Variants in FKBP5 observed in about 807,000 individuals in gnomAD.
FKBP5 encodes the protein peptidyl-prolyl cis-trans isomerase FKBP5.
Under a neutral mutation model 50.5 loss-of-function variants are expected in FKBP5, and 23 were observed. The ratio of observed to expected loss-of-function variants is 0.46; its 90% confidence interval spans 0.33 to 0.65. The LOEUF (loss-of-function observed/expected upper bound fraction) is 0.65, where lower values mean the gene tolerates loss of function less well. Among genes scored for constraint, FKBP5 ranks in the 30% least tolerant of loss-of-function variants. The pLI, the probability that FKBP5 is intolerant of heterozygous loss-of-function variation, is 0.02. For synonymous variants in FKBP5, 176 were observed against 190.6 expected, an observed-to-expected ratio of 0.92 and a Z score of 0.63; for missense variants, 411 against 553.1, an observed-to-expected ratio of 0.74 and a Z score of 2.58.
At chr6:35,679,058 G>A (rs1254568962) in intron 1 of FKBP5, among the ~76,000 whole-genome samples, 1 of 152,162 alleles carries the variant, frequency 6.6e-6, no homozygotes, top group African/African-American at 2.4e-5. Context: ...ATTTCAACCT[G>A]AGCAACAAGT....
At chr6:35,615,225 T>TA (rs1243976420) in intron 5 of FKBP5, among the ~76,000 whole-genome samples, 1 of 152,004 alleles carries the variant, frequency 6.6e-6, no homozygotes, top group Middle Eastern at 3.2e-3. Context: ...TATACGTATG[T>TA]ATGTTGAGGT....
intron 2 of FKBP5, among the ~76,000 whole-genome samples, chr6:35,718,704 C>T (rs898672724): frequency 6.6e-6 from 1 of 152,102 alleles, no homozygotes; most frequent in East Asian, 1.9e-4. Flanking sequence ...AACACAGGTG[C>T]TCAAATAACT....
intron 10 of FKBP5, 107 bp downstream of exon 10, chr6:35,576,887 T>C: frequency 7.2e-7 from 1 of 1,386,462 alleles, no homozygotes; most frequent in Admixed American, 2.1e-5. Context: ...GAAATCGTTT[T>C]CCCTGCTCTT....
At chr6:35,684,334 A>G (rs1395183949) in intron 1 of FKBP5, among the ~76,000 whole-genome samples, 1 of 151,994 alleles carries the variant, frequency 6.6e-6, no homozygotes, top group Non-Finnish European at 1.5e-5. Flanking sequence ...GTACTCCACC[A>G]CACCTGGCTA....
chr6:35,603,834 T>G (rs897698820), intron 5 of FKBP5, among the ~76,000 whole-genome samples: 1 of 152,080 alleles, frequency 6.6e-6, no homozygotes, highest in Non-Finnish European at 1.5e-5. Context: ...GACTCCCAAG[T>G]AGCTGGGACT....
At chr6:35,718,397 G>C (rs143262325) in intron 2 of FKBP5, among the ~76,000 whole-genome samples, 81 of 152,318 alleles carry the variant, frequency 5.3e-4, no homozygotes, top group Non-Finnish European at 9.1e-4. Flanking sequence ...AGTGATTTTT[G>C]TCACCCTAAA....
chr6:35,693,382 C>A (rs1169485659), upstream of FKBP5, among the ~76,000 whole-genome samples: 1 of 151,764 alleles, frequency 6.6e-6, no homozygotes, highest in Non-Finnish European at 1.5e-5. Flanking sequence ...CCAGGATGGT[C>A]TCAATCGCCT....
intron 2 of FKBP5, among the ~76,000 whole-genome samples, chr6:35,713,816 C>T (rs1277033819): frequency 1.3e-5 from 2 of 152,224 alleles, no homozygotes; most frequent in Admixed American, 6.5e-5. Context: ...TCTCCCCTGC[C>T]TTCTTGCCCC....
At chr6:35,703,785 G>A (rs1003483736) in intron 2 of FKBP5, among the ~76,000 whole-genome samples, 2 of 152,194 alleles carry the variant, frequency 1.3e-5, no homozygotes, top group African/African-American at 4.8e-5. Context: ...CAATTCTGAA[G>A]TGCACAGCAG....
At position 35,578,135 on chromosome 6, in the gene FKBP5, A is replaced by T. The variant is rs569353746; in HGVS notation, c.1027-902T>A. 6.9e-4 allele frequency among the ~76,000 whole-genome samples: 104 copies of T among 151,738 alleles called. No individual in the cohort carries two copies. The South Asian group carries it at 1.0e-2, about 15-fold the overall frequency. On this transcript the variant is annotated intron_variant, in intron 9 of 10. Coordinates refer to ENST00000357266, the MANE Select transcript of FKBP5 (RefSeq NM_004117.4). Reference sequence around the variant, plus strand: ...TCTAGATCAACCATATTTACATATTAAAAAAAACCATAAAATGTTTCAATT... The same window carrying T: ...TCTAGATCAACCATATTTACATATTTAAAAAAACCATAAAATGTTTCAATT...
At chr6:35,688,178 T>C (rs1369349740) in intron 1 of FKBP5, among the ~76,000 whole-genome samples, 4 of 152,186 alleles carry the variant, frequency 2.6e-5, no homozygotes, top group Non-Finnish European at 4.4e-5. Context: ...AGGCGGCAGG[T>C]GAAGGCGGGG....
At chr6:35,683,986 G>A (rs1765752902) in intron 1 of FKBP5, among the ~76,000 whole-genome samples, 1 of 152,008 alleles carries the variant, frequency 6.6e-6, no homozygotes, top group South Asian at 2.1e-4. Context: ...TTGAACCAAT[G>A]GAGGTTGCAG....
intron 1 of FKBP5, among the ~76,000 whole-genome samples, chr6:35,684,745 G>A (rs1340187187): frequency 6.6e-6 from 1 of 152,092 alleles, no homozygotes; most frequent in Non-Finnish European, 1.5e-5. Flanking sequence ...GCTATAAGTC[G>A]GCCTGGCACT....
chr6:35,689,613 T>G (rs560641111), upstream of FKBP5, among the ~76,000 whole-genome samples: 2 of 152,002 alleles, frequency 1.3e-5, no homozygotes, highest in South Asian at 4.2e-4. Context: ...AAGGCCGAGG[T>G]GGGCGGACCA....
chr6:35,593,885 C>A (rs141717792), intron 6 of FKBP5, among the ~76,000 whole-genome samples: 3 of 151,418 alleles, frequency 2.0e-5, no homozygotes, highest in South Asian at 4.2e-4. Context: ...GGGGTTCATG[C>A]GTGACAGAAA....
chr6:35,712,826 C>T (rs1418122294), intron 2 of FKBP5, among the ~76,000 whole-genome samples: 8 of 152,086 alleles, frequency 5.3e-5, no homozygotes, highest in African/African-American at 1.2e-4. Flanking sequence ...TGAAGCTGGC[C>T]GTGTGGCCTG....
At chr6:35,586,745 C>A in intron 8 of FKBP5, 1 of 1,307,698 alleles carries the variant, frequency 7.6e-7, no homozygotes, top group Non-Finnish European at 9.8e-7. Context: ...AAGCAAGATG[C>A]TTTAGGAGTG....
chr6:35,610,955 C>T (rs1238968480), intron 5 of FKBP5, among the ~76,000 whole-genome samples: 1 of 152,172 alleles, frequency 6.6e-6, no homozygotes, highest in Non-Finnish European at 1.5e-5. Flanking sequence ...TGGAGGTTTA[C>T]TGGCCCCGCT....
chr6:35,698,380 G>A (rs1253846133), intron 2 of FKBP5, among the ~76,000 whole-genome samples: 1 of 152,048 alleles, frequency 6.6e-6, no homozygotes, highest in Non-Finnish European at 1.5e-5. Context: ...GGGCGCGGTG[G>A]CTCACGCCCG....
Sources: allele counts gnomAD v4.1 joint callset (sites outside exome capture counted in the v4.1 genomes callset), GRCh38; gene constraint gnomAD v4.1.1; transcripts MANE v1.5; gene names NCBI Gene and HGNC (gene_info 2026-07-23, HGNC 2026-07-21).